PAX1: variants seen among roughly 807,000 people sequenced by gnomAD.
PAX1 encodes paired box 1.
Under a neutral mutation model 35.6 loss-of-function variants are expected in PAX1, and 18 were observed. That is an observed-to-expected ratio of 0.50 (90% CI 0.35 to 0.75). PAX1 has a LOEUF of 0.75. Ranked by LOEUF, PAX1 falls within the 30% of genes least tolerant of loss-of-function variation. The probability of loss-of-function intolerance (pLI) is 0.01; values close to 1 mark genes in which losing one functional copy is unlikely to be tolerated. For synonymous variants in PAX1, 397 were observed against 305.2 expected (o/e 1.30, Z -3.14); for missense variants, 760 against 661.5 (o/e 1.15, Z -1.63).
At chr20:21,711,702 C>T (rs974057040) in intron 4 of PAX1, among the ~76,000 whole-genome samples, 3 of 152,256 alleles carry the variant, frequency 2.0e-5, no homozygotes, top group East Asian at 1.9e-4. Flanking sequence ...TGTTTGTGTT[C>T]GAACAGGAAT....
chr20:21,714,912 CCT>C lies in PAX1; in HGVS notation c.*351_*352del, dbSNP rs1389545244. The C allele has an allele frequency of 1.0e-5, 9 of 864,436 alleles. No individual in the cohort carries two copies. In the East Asian group the frequency reaches 1.3e-4, roughly 12 times the overall value. 53.5% of individuals were successfully genotyped at this position (864,436 alleles called of 1,614,324 possible). On this transcript the variant is annotated 3_prime_UTR_variant, in exon 5 of 5. Coordinates refer to ENST00000613128, the MANE Select transcript of PAX1 (RefSeq NM_001257096.2). ...TGTCCGTCTCCGTCTCGCCTCTCTC[CCT>C]GTTTCCTTCCCCCCTCTTTCTTTCT...
At position 21,705,718 on chromosome 20, in the gene PAX1, G is replaced by T; in HGVS notation, c.6G>T (p.Lys2Asn). 8.0e-7 allele frequency: 1 copy of T among 1,245,868 alleles called. No homozygotes were observed. The highest frequency in any genetic ancestry group is 3.2e-5 in the East Asian group (1 of 31,448). The allele number at this position is 1,245,868 out of a possible 1,614,324, so 77.2% of individuals were successfully genotyped here. ...GACGAATTTCTCCCAATCGGATGAAGTTCACCCTGGGCCTGGGGTCGCGGG... is the reference window on the plus strand; with the variant it reads ...GACGAATTTCTCCCAATCGGATGAATTTCACCCTGGGCCTGGGGTCGCGGG... M[K>N]FTLGLGSRAW... The change falls in exon 1 of 5, where the codon AAG (lysine) becomes AAT (asparagine). Residue 2 changes from lysine to asparagine, a missense_variant. Coordinates refer to ENST00000613128, the MANE Select transcript of PAX1 (RefSeq NM_001257096.2).
At chr20:21,707,192 A>C (rs1355332147) in intron 2 of PAX1, 125 bp downstream of exon 2, 10 of 1,212,710 alleles carry the variant, frequency 8.2e-6, no homozygotes, top group Non-Finnish European at 1.2e-5. Context: ...AGGGCTCCAC[A>C]CTGGCCAGGG....
rs1985421478 is a variant in PAX1, at chr20:21,717,819, G to A, written c.*3257G>A. ...TGCGTATCACTAAAAAACTCAAGCA[G>A]TACAGAAACATTAAAATGAAAAGTG... On this transcript the variant is annotated 3_prime_UTR_variant, in exon 5 of 5. Transcript: ENST00000613128. 6.6e-6 allele frequency: 1 copy of A among 152,116 alleles called. No individual in the cohort carries two copies. The highest frequency in any genetic ancestry group is 1.5e-5 in the Non-Finnish European group (1 of 68,036). 9.4% of individuals were successfully genotyped at this position (152,116 alleles called of 1,614,324 possible).
chr20:21,716,209 T>C lies in PAX1; in HGVS notation c.*1647T>C, dbSNP rs1246559465. 6.6e-6 allele frequency: 1 copy of C among 152,156 alleles called. No individual in the cohort carries two copies. Among genetic ancestry groups the C allele is most frequent in the East Asian group, 1.9e-4 (1 of 5,204 alleles). 9.4% of individuals were successfully genotyped at this position (152,156 alleles called of 1,614,324 possible). A position where few individuals can be genotyped will look rare whatever the true frequency, so the allele number is the denominator to read the frequency against. Reference sequence around the variant, plus strand: ...GTATTCTAAAAGCTAAAGAAGACAATCCCAGGCTACCAAGTAATCTAGGGG... The same window carrying C: ...GTATTCTAAAAGCTAAAGAAGACAACCCCAGGCTACCAAGTAATCTAGGGG... On this transcript the variant is annotated 3_prime_UTR_variant, in exon 5 of 5. Transcript: ENST00000613128.
rs1985382601 is a variant in PAX1, at chr20:21,716,707, T to A, written c.*2145T>A. The A allele has an allele frequency of 6.6e-6, 1 of 152,144 alleles. No individual in the cohort carries two copies. Among genetic ancestry groups the A allele is most frequent in the South Asian group, 2.1e-4 (1 of 4,820 alleles). The allele number at this position is 152,144 out of a possible 1,614,324, so 9.4% of individuals were successfully genotyped here. ...AAGTCCTCAGCCTTCCATGGCAGCA[T>A]ATCCTGTAGAAGAGCTTGTCATACT... On this transcript the variant is annotated 3_prime_UTR_variant, in exon 5 of 5. Transcript: ENST00000613128.
In PAX1 at chr20:21,712,295, G is replaced by A. The variant is rs547148100; in HGVS notation, c.1283-2176G>A. Among the ~76,000 whole-genome samples, 4 of 152,148 alleles carry A rather than the reference G, an allele frequency of 2.6e-5. No individual in the cohort carries two copies. In the South Asian group the frequency reaches 6.2e-4, roughly 24 times the overall value. On this transcript the variant is annotated intron_variant, in intron 4 of 4. Transcript: ENST00000613128. ...TATTTTTTAAAAAGGTAGTGAGTCTGGGTTTCCTATTATGTAGGTAAAAAG... is the reference window on the plus strand; with the variant it reads ...TATTTTTTAAAAAGGTAGTGAGTCTAGGTTTCCTATTATGTAGGTAAAAAG...
At chr20:21,709,732 G>A (rs542657231) in intron 4 of PAX1, among the ~76,000 whole-genome samples, 54 of 152,094 alleles carry the variant, frequency 3.6e-4, no homozygotes, top group Non-Finnish European at 5.9e-4. Context: ...AGGACGCGTG[G>A]GTTTGGATCC....
At position 21,706,637 on chromosome 20, in the gene PAX1, CG is replaced by C; in HGVS notation, c.490del (p.Ala164ProfsTer51). 6.2e-7 allele frequency: 1 copy of C among 1,612,068 alleles called. No homozygotes were observed. ...ACAACGAGACCGGCTCCATTCTGCCCGGGGCCATCGGGGGGAGCAAGCCCCG... is the reference window on the plus strand; with the variant it reads ...ACAACGAGACCGGCTCCATTCTGCCCGGGCCATCGGGGGGAGCAAGCCCCG... The part of the protein sequence containing the change: ...RYNETGSILP[G>X]AIGGSKPRVT... On this transcript the variant is annotated frameshift_variant, in exon 2 of 5. Coordinates refer to ENST00000613128, the MANE Select transcript of PAX1 (RefSeq NM_001257096.2). LOFTEE classifies it high-confidence loss of function. The surrounding 1 kb of genome is among the most constrained non-coding windows in gnomAD (Gnocchi z 5.3).
At position 21,709,396 on chromosome 20, in the gene PAX1, GGCGGGGAACTC is replaced by G; in HGVS notation, c.1239_1249del (p.Glu414SerfsTer13). On this transcript the variant is annotated frameshift_variant, in exon 4 of 5. Coordinates refer to ENST00000613128, the MANE Select transcript of PAX1 (RefSeq NM_001257096.2). LOFTEE classifies it high-confidence loss of function. ...CCCCGGGGCCGGCGTAGCTGTGCAT[GGCGGGGAACTC>G]GCGGCAGCAATGACCTTCAAGCATC... 2 of 1,552,576 alleles carry G rather than the reference GGCGGGGAACTC, an allele frequency of 1.3e-6. No homozygotes were observed.
intron 3 of PAX1, 75 bp downstream of exon 3, chr20:21,708,775 A>G (rs1438494473): frequency 1.3e-6 from 2 of 1,492,620 alleles, no homozygotes. Flanking sequence ...AAAAAGAGAG[A>G]GAAAGAAAAG....
chr20:21,715,078 G>A lies in PAX1; in HGVS notation c.*516G>A, dbSNP rs1482474660. On this transcript the variant is annotated 3_prime_UTR_variant, in exon 5 of 5. Transcript: ENST00000613128. ...CTGCTCCAGTCCCGCTTCTTCCCCC[G>A]TCTCCTCTTTCTAGTCCTCTATATG... is the stretch of plus-strand genomic sequence containing the variant. 6 of 565,246 alleles carry A rather than the reference G, an allele frequency of 1.1e-5. No individual in the cohort carries two copies. In the East Asian group the frequency reaches 1.5e-4, roughly 14 times the overall value. The allele number at this position is 565,246 out of a possible 1,614,324, so 35.0% of individuals were successfully genotyped here. A position where few individuals can be genotyped will look rare whatever the true frequency, so the allele number is the denominator to read the frequency against.
intron 4 of PAX1, among the ~76,000 whole-genome samples, chr20:21,710,567 G>C (rs1329602230): frequency 6.6e-6 from 1 of 152,124 alleles, no homozygotes; most frequent in Non-Finnish European, 1.5e-5. Flanking sequence ...AAGCGAGGTG[G>C]ATGTAGTGGC....
At position 21,705,875 on chromosome 20, in the gene PAX1, GC is replaced by G; in HGVS notation, c.166del (p.Leu56SerfsTer47). On this transcript the variant is annotated frameshift_variant, in exon 1 of 5. Coordinates refer to ENST00000613128, the MANE Select transcript of PAX1 (RefSeq NM_001257096.2). LOFTEE classifies it high-confidence loss of function. ...CCGCCGCGGCTCTCGGCTCTCGGGC[GC>G]CCTCCCTCTATGCCTCTCACGCGGC... ...LGRRGSRLSG[A>X]LPLCLSRGGG... 1 of 1,393,482 alleles carries G rather than the reference GC, an allele frequency of 7.2e-7. No individual in the cohort carries two copies. The highest frequency in any genetic ancestry group is 9.3e-7 in the Non-Finnish European group (1 of 1,071,164). 86.3% of individuals were successfully genotyped at this position (1,393,482 alleles called of 1,614,324 possible).
In PAX1 at chr20:21,705,707, A is replaced by G; in HGVS notation, c.-6A>G. ...CCTCCCGGTCAGACGAATTTCTCCC[A>G]ATCGGATGAAGTTCACCCTGGGCCT... is the stretch of plus-strand genomic sequence containing the variant. On this transcript the variant is annotated 5_prime_UTR_variant, in exon 1 of 5. Transcript: ENST00000613128. The G allele has an allele frequency of 4.0e-6, 5 of 1,242,460 alleles. No individual in the cohort carries two copies. The highest frequency in any genetic ancestry group is 5.1e-6 in the Non-Finnish European group (5 of 985,318). 77.0% of individuals were successfully genotyped at this position (1,242,460 alleles called of 1,614,324 possible). A position where few individuals can be genotyped will look rare whatever the true frequency, so the allele number is the denominator to read the frequency against.
chr20:21,707,140 C>T, intron 2 of PAX1, 73 bp downstream of exon 2: 1 of 1,557,748 alleles, frequency 6.4e-7, no homozygotes. Flanking sequence ...CAGGAGAGGA[C>T]TCACACTCGC....
At chr20:21,709,541 G>A in intron 4 of PAX1, 97 bp downstream of exon 4, 2 of 920,398 alleles carry the variant, frequency 2.2e-6, no homozygotes, top group Non-Finnish European at 3.2e-6. Flanking sequence ...AGCGGGTGGG[G>A]AAGAGGTGGG....
rs1392437656 is a variant in PAX1, at chr20:21,716,474, A to T, written c.*1912A>T. 1.3e-5 allele frequency: 2 copies of T among 148,526 alleles called. No individual in the cohort carries two copies. The highest frequency in any genetic ancestry group is 3.0e-5 in the Non-Finnish European group (2 of 67,254). 9.2% of individuals were successfully genotyped at this position (148,526 alleles called of 1,614,324 possible). ...AAAAGTACTTACTTTTTTCCTAGAGAGACTCTTCTTCTCAGATTCAAAGTC... is the reference window on the plus strand; with the variant it reads ...AAAAGTACTTACTTTTTTCCTAGAGTGACTCTTCTTCTCAGATTCAAAGTC... On this transcript the variant is annotated 3_prime_UTR_variant, in exon 5 of 5. Coordinates refer to ENST00000613128, the MANE Select transcript of PAX1 (RefSeq NM_001257096.2).
rs745701788 is a variant in PAX1 at position 21,706,284 on chromosome 20, G to A, written c.287-154G>A. ...CTTGCCCACTCCAAGCCAGACCCAG[G>A]CGGTTTGCCCTTGGACTCCGAGCTG... On this transcript the variant is annotated intron_variant, in intron 1 of 4. Transcript: ENST00000613128. The surrounding 1 kb of genome is among the most constrained non-coding windows in gnomAD (Gnocchi z 5.3). 6.8e-6 allele frequency: 7 copies of A among 1,025,662 alleles called. No individual in the cohort carries two copies. The highest frequency in any genetic ancestry group is 1.0e-5 in the Non-Finnish European group (7 of 672,744). The allele number at this position is 1,025,662 out of a possible 1,614,324, so 63.5% of individuals were successfully genotyped here. A position where few individuals can be genotyped will look rare whatever the true frequency, so the allele number is the denominator to read the frequency against.
Sources: gnomAD v4.1 joint callset for allele counts (sites outside exome capture counted in the v4.1 genomes callset) on GRCh38, gnomAD v4.1.1 for gene constraint, Gnocchi (gnomAD v3.1) non-coding constraint, MANE v1.5 for transcripts, NCBI Gene and HGNC (gene_info 2026-07-23, HGNC 2026-07-21) for gene names.